The following LRRC61 variants were observed in gnomAD, a reference collection of about 807,000 sequenced individuals.
LRRC61 encodes leucine-rich repeat-containing protein 61.
Under a neutral mutation model 15.1 loss-of-function variants are expected in LRRC61, and 9 were observed. The observed-to-expected ratio is 0.60, with a 90% CI of 0.36 to 1.04. LRRC61 has a LOEUF of 1.04. Ranked by LOEUF, LRRC61 falls within the 50% of genes least tolerant of loss-of-function variation. LRRC61 has a pLI of 0.01. For synonymous variants in LRRC61, 173 were observed against 158.6 expected (o/e 1.09, Z -0.68); for missense variants, 344 against 335.6 (o/e 1.03, Z -0.20).
chr7:150,337,282 T>C lies in LRRC61; in HGVS notation c.421T>C (p.Cys141Arg). 6.2e-7 allele frequency: 1 copy of C among 1,603,666 alleles called. No homozygotes were observed. Among genetic ancestry groups the C allele is most frequent in the Non-Finnish European group, 8.5e-7 (1 of 1,179,904 alleles). ...DPLARLSNPL[C>R]ANPSYWAAVR... ...TTTGGCCCGGCTCAGCAACCCGCTC[T>C]GTGCCAACCCCTCCTACTGGGCTGC... The change falls in exon 3 of 3, where the codon TGT (cysteine) becomes CGT (arginine). Residue 141 changes from cysteine (C) to arginine (R), a missense_variant. Cys to Arg is a radical substitution (Grantham distance 180, BLOSUM62 -3). Transcript: ENST00000359623.
rs116379873 is a variant in LRRC61, at chr7:150,337,950, G to A, written c.*309G>A. 1,928 of 471,052 alleles carry A rather than the reference G, an allele frequency of 4.1e-3. 34 individuals carry two copies. The highest frequency in any genetic ancestry group is 0.035 in the African/African-American group (1,782 of 50,510). 29.2% of individuals were successfully genotyped at this position (471,052 alleles called of 1,614,324 possible). ...ATTACTTCCTCCTGAGGCTACAGGC[G>A]AGAAAGGTAGGGATGGGCCAGCCTC... On this transcript the variant is annotated 3_prime_UTR_variant, in exon 3 of 3. Coordinates refer to ENST00000359623, the MANE Select transcript of LRRC61 (RefSeq NM_001142928.2).
chr7:150,328,706 T>C (rs1047606790), intron 2 of LRRC61: 3 of 152,278 alleles, frequency 2.0e-5, no homozygotes, highest in Admixed American at 2.0e-4. Flanking sequence ...AGAGGCCCTC[T>C]CTTACGGGGC....
At chr7:150,311,311 C>A in the LRRC61 span, among the ~76,000 whole-genome samples, 1 of 152,160 alleles carries the variant, frequency 6.6e-6, no homozygotes, top group African/African-American at 2.4e-5. Context: ...CAATCTATAG[C>A]CTTTCTATCC....
At position 150,330,975 on chromosome 7, in the gene LRRC61, T is replaced by G; in HGVS notation, c.-145+4965T>G. 6.2e-7 allele frequency: 1 copy of G among 1,611,766 alleles called. No individual in the cohort carries two copies. Among genetic ancestry groups the G allele is most frequent in the Non-Finnish European group, 8.5e-7 (1 of 1,179,876 alleles). ...GGGCTCGCTGTCCACCAAGAGCCAC[T>G]GGGCCAGCATCATTGTCAAGAAGTA... On this transcript the variant is annotated intron_variant, in intron 2 of 2. Coordinates refer to ENST00000359623, the MANE Select transcript of LRRC61 (RefSeq NM_001142928.2). This position sits in a 1 kb window ranked among gnomAD's most constrained non-coding sequence, Gnocchi z 4.6.
chr7:150,337,339 A>G lies in LRRC61; in HGVS notation c.478A>G (p.Ile160Val). 1 of 1,604,266 alleles carries G rather than the reference A, an allele frequency of 6.2e-7. No individual in the cohort carries two copies. The highest frequency in any genetic ancestry group is 8.5e-7 in the Non-Finnish European group (1 of 1,179,918). Residue 160 changes from isoleucine to valine, a missense_variant, in exon 3 of 3, where the codon ATC becomes GTC. Ile to Val is a conservative substitution (Grantham distance 29). Transcript: ENST00000359623. ...VRELLPGLKV[I>V]DGERVIGRGS... ...GGAGCTGCTGCCTGGCCTGAAAGTC[A>G]TCGACGGTGAGCGTGTGATTGGGCG... is the stretch of plus-strand genomic sequence containing the variant.
the LRRC61 span, among the ~76,000 whole-genome samples, chr7:150,316,981 A>G: frequency 4.6e-5 from 7 of 151,604 alleles, no homozygotes; most frequent in African/African-American, 1.5e-4. Context: ...TTTCACATAG[A>G]TTTTGTACAT....
In LRRC61 at chr7:150,327,712, T is replaced by C. The variant is rs563639821; in HGVS notation, c.-145+1702T>C. ...GGTGTACACCTGTAGTTCCAGCTAC[T>C]TGGGAGCTGAGGTGGGAGGATCGCT... On this transcript the variant is annotated intron_variant, in intron 2 of 2. Coordinates refer to ENST00000359623, the MANE Select transcript of LRRC61 (RefSeq NM_001142928.2). Among the ~76,000 whole-genome samples the C allele has an allele frequency of 3.3e-4, 50 of 151,986 alleles. No homozygotes were observed. In the South Asian group the frequency reaches 9.6e-3, roughly 29 times the overall value.
intron 2 of LRRC61, among the ~76,000 whole-genome samples, chr7:150,334,549 C>A (rs562594561): frequency 3.9e-5 from 6 of 152,242 alleles, no homozygotes; most frequent in Non-Finnish European, 7.3e-5. Context: ...GCCCCATGCA[C>A]TGCATGCCCT....
rs550234361 is a variant in LRRC61 at position 150,330,309 on chromosome 7, A to T, written c.-145+4299A>T. The T allele has an allele frequency of 1.8e-3, 1,305 of 712,224 alleles. 14 individuals carry two copies. The African/African-American group carries it at 0.02, about 11-fold the overall frequency. The allele number at this position is 712,224 out of a possible 1,614,324, so 44.1% of individuals were successfully genotyped here. On this transcript the variant is annotated intron_variant, in intron 2 of 2. Transcript: ENST00000359623. The surrounding 1 kb of genome is among the most constrained non-coding windows in gnomAD (Gnocchi z 4.6). ...GCAGCAGCAGCCCCTTCAAGAGTAC[A>T]AGGGCAGGCACCAGCTGGGGAAGGC...
upstream of LRRC61, among the ~76,000 whole-genome samples, chr7:150,319,442 G>A (rs546859138): frequency 6.6e-5 from 10 of 152,220 alleles, no homozygotes; most frequent in South Asian, 2.1e-3. Context: ...CCTGACCTCA[G>A]GTGATTTGCC....
chr7:150,320,125 A>G (rs2159236), upstream of LRRC61, among the ~76,000 whole-genome samples: 35,589 of 152,110 alleles, frequency 0.23, 4,555 homozygotes, highest in East Asian at 0.42. Flanking sequence ...CAGTACTCTT[A>G]CCAGAAAAGG....
rs878868251 is a variant in LRRC61, at chr7:150,337,900, T to G, written c.*259T>G. 51 of 555,532 alleles carry G rather than the reference T, an allele frequency of 9.2e-5. No individual in the cohort carries two copies. In the South Asian group the frequency reaches 1.3e-3, roughly 14 times the overall value. 34.4% of individuals were successfully genotyped at this position (555,532 alleles called of 1,614,324 possible). A position where few individuals can be genotyped will look rare whatever the true frequency, so the allele number is the denominator to read the frequency against. On this transcript the variant is annotated 3_prime_UTR_variant, in exon 3 of 3. Coordinates refer to ENST00000359623, the MANE Select transcript of LRRC61 (RefSeq NM_001142928.2). The stretch of plus-strand genomic sequence containing the variant: ...CGCAGCTGCTGCCACTCTGGGCTGC[T>G]CCAGCCTGCAACTTAGTGGAAGGAA...
Position 150,323,515 on chromosome 7 carries a change from C to T in LRRC61, c.-360C>T. 2.3e-6 allele frequency: 1 copy of T among 436,754 alleles called. No homozygotes were observed. Among genetic ancestry groups the T allele is most frequent in the Non-Finnish European group, 4.6e-6 (1 of 219,500 alleles). 27.1% of individuals were successfully genotyped at this position (436,754 alleles called of 1,614,324 possible). A position where few individuals can be genotyped will look rare whatever the true frequency, so the allele number is the denominator to read the frequency against. On this transcript the variant is annotated 5_prime_UTR_variant, in exon 1 of 3. Coordinates refer to ENST00000359623, the MANE Select transcript of LRRC61 (RefSeq NM_001142928.2). ...TGCGGTGCGGAGTTGCGCCGGACTT[C>T]CCAGCTTGGCCAGTGGCTCCGCAGG...
intron 2 of LRRC61, chr7:150,331,455 A>G: frequency 4.1e-6 from 1 of 244,806 alleles, no homozygotes; most frequent in Non-Finnish European, 8.4e-6. Flanking sequence ...TTGGTAGGAA[A>G]GGGTCAGTTT....
the LRRC61 span, among the ~76,000 whole-genome samples, chr7:150,317,410 T>C: frequency 1.2e-4 from 18 of 152,220 alleles, no homozygotes; most frequent in Non-Finnish European, 5.9e-5. Flanking sequence ...TTGATTCCCA[T>C]TTATTAATAT....
In LRRC61 at chr7:150,337,058, C is replaced by A; in HGVS notation, c.197C>A (p.Thr66Asn). 3.7e-6 allele frequency: 6 copies of A among 1,613,040 alleles called. No individual in the cohort carries two copies. Among genetic ancestry groups the A allele is most frequent in the Non-Finnish European group, 5.1e-6 (6 of 1,179,852 alleles). ...EWLDLSGNAL[T>N]HLGPLASLRQ... ...CTGGACCTATCAGGCAACGCGCTCA[C>A]CCACCTGGGCCCGCTGGCCTCCTTG... The change falls in exon 3 of 3, where the codon ACC becomes AAC. Residue 66 changes from threonine (T) to asparagine (N), a missense_variant. Thr to Asn is a moderately conservative substitution (Grantham distance 65). Transcript: ENST00000359623.
At chr7:150,336,688 G>A (rs1264154060) in intron 2 of LRRC61, 30 bp from the exon 3 acceptor site, 14 of 789,586 alleles carry the variant, frequency 1.8e-5, no homozygotes, top group Non-Finnish European at 2.8e-5. Flanking sequence ...CACAGAAAGT[G>A]CTGCCTGCTG....
At position 150,330,697 on chromosome 7, in the gene LRRC61, A is replaced by C. The variant is rs761379985; in HGVS notation, c.-145+4687A>C. 1 of 1,505,190 alleles carries C rather than the reference A, an allele frequency of 6.6e-7. No homozygotes were observed. Among genetic ancestry groups the C allele is most frequent in the East Asian group, 2.3e-5 (1 of 44,340 alleles). 93.2% of individuals were successfully genotyped at this position (1,505,190 alleles called of 1,614,324 possible). On this transcript the variant is annotated intron_variant, in intron 2 of 2. Transcript: ENST00000359623. The surrounding 1 kb of genome is among the most constrained non-coding windows in gnomAD (Gnocchi z 4.6). ...CCATGGGGGCCGACCGACATTGACC[A>C]CTGGAAGCAAGTCCTCGTGTACAAG...
In LRRC61 at chr7:150,337,179, C is replaced by T. The variant is rs751583242; in HGVS notation, c.318C>T (p.Gly106=). The T allele has an allele frequency of 1.2e-6, 2 of 1,608,798 alleles. No homozygotes were observed. Among genetic ancestry groups the T allele is most frequent in the East Asian group, 2.2e-5 (1 of 44,884 alleles). ...CENLQSLNAA[G]NLLATPGQLQ... is the part of the protein sequence containing the mutation. ...ACTTGCAGAGTCTCAATGCCGCAGG[C>T]AACCTACTGGCCACCCCGGGCCAGC... Residue 106 remains glycine, a synonymous_variant, in exon 3 of 3, where the codon GGC becomes GGT. Coordinates refer to ENST00000359623, the MANE Select transcript of LRRC61 (RefSeq NM_001142928.2).
Sources: gnomAD v4.1 joint callset for allele counts (sites outside exome capture counted in the v4.1 genomes callset) on GRCh38, gnomAD v4.1.1 for gene constraint, Gnocchi (gnomAD v3.1) non-coding constraint, MANE v1.5 for transcripts, NCBI Gene and HGNC (gene_info 2026-07-23, HGNC 2026-07-21) for gene names.